GALNT13: variants seen among roughly 807,000 people sequenced by gnomAD.
GALNT13 encodes UDP-GalNAc:polypeptide N-acetylgalactosaminyltransferase 13.
GALNT13 carries 28 observed loss-of-function variants against 64.2 expected under a neutral mutation model. The ratio of observed to expected loss-of-function variants is 0.44; its 90% CI spans 0.32 to 0.60. The LOEUF is 0.60. GALNT13 is among the 20% of genes least tolerant of loss of function. The pLI, the probability that GALNT13 is intolerant of heterozygous loss-of-function variation, is 0.05. For missense variants in GALNT13, 577 were observed against 669.8 expected, an observed-to-expected ratio of 0.86 and a Z score of 1.53; for synonymous variants, 214 against 224.6, an observed-to-expected ratio of 0.95 and a Z score of 0.42.
intron 8 of GALNT13, among the ~76,000 whole-genome samples, chr2:154,273,409 A>C (rs1326559198): frequency 6.6e-6 from 1 of 152,174 alleles, no homozygotes; most frequent in African/African-American, 2.4e-5. Flanking sequence ...CTATAGGATC[A>C]CAAATAGCCT....
chr2:153,293,002 T>C, the GALNT13 span, among the ~76,000 whole-genome samples: 12,483 of 152,068 alleles, frequency 0.082, 579 homozygotes, highest in South Asian at 0.12. Context: ...TTTGTTAAGG[T>C]TTTTTTCCCT....
At chr2:154,009,741 C>T (rs13419713) in intron 3 of GALNT13, among the ~76,000 whole-genome samples, 9,297 of 152,096 alleles carry the variant, frequency 0.061, 590 homozygotes, top group African/African-American at 0.16. Context: ...CCACCCGCCT[C>T]GGCCTCCCAA....
At chr2:154,061,081 T>TA (rs1471609621) in intron 3 of GALNT13, among the ~76,000 whole-genome samples, 1 of 152,036 alleles carries the variant, frequency 6.6e-6, no homozygotes, top group African/African-American at 2.4e-5. Context: ...TGTTCAAACT[T>TA]ACAAAAAAGT....
chr2:153,229,023 A>G, the GALNT13 span, among the ~76,000 whole-genome samples: 2 of 152,196 alleles, frequency 1.3e-5, no homozygotes, highest in African/African-American at 2.4e-5. Flanking sequence ...TAAGATAGCT[A>G]GAGTATCAAC....
the GALNT13 span, among the ~76,000 whole-genome samples, chr2:153,716,281 AG>A: frequency 1.3e-5 from 2 of 152,364 alleles, no homozygotes; most frequent in South Asian, 4.1e-4. Context: ...CACGTGGCCC[AG>A]GATGGCTTTG....
the GALNT13 span, among the ~76,000 whole-genome samples, chr2:153,819,000 G>C: frequency 6.6e-6 from 1 of 152,122 alleles, no homozygotes; most frequent in Non-Finnish European, 1.5e-5. Context: ...AGCTCCTTCA[G>C]GACACATACA....
At chr2:154,174,039 G>A (rs760479386) in intron 4 of GALNT13, among the ~76,000 whole-genome samples, 1 of 152,004 alleles carries the variant, frequency 6.6e-6, no homozygotes, top group Non-Finnish European at 1.5e-5. Flanking sequence ...TTTCTGCTGG[G>A]TATATATCCA....
At chr2:153,737,728 C>A in the GALNT13 span, among the ~76,000 whole-genome samples, 1 of 152,002 alleles carries the variant, frequency 6.6e-6, no homozygotes, top group Non-Finnish European at 1.5e-5. Context: ...TGTTTAAGAG[C>A]AGAAAACAGG....
the GALNT13 span, among the ~76,000 whole-genome samples, chr2:153,629,688 A>G: frequency 2.0e-5 from 3 of 151,976 alleles, no homozygotes; most frequent in African/African-American, 7.3e-5. Context: ...AGCAAAAGAA[A>G]CTACCATCAG....
At chr2:153,287,842 G>C in the GALNT13 span, among the ~76,000 whole-genome samples, 17 of 152,224 alleles carry the variant, frequency 1.1e-4, no homozygotes, top group East Asian at 3.1e-3. Context: ...GCAACATTTG[G>C]GTGTGAAAAC....
intron 10 of GALNT13, among the ~76,000 whole-genome samples, chr2:154,404,336 A>G (rs1228293930): frequency 6.6e-6 from 1 of 152,188 alleles, no homozygotes; most frequent in Non-Finnish European, 1.5e-5. Context: ...GAATCTCTGA[A>G]TTTTCCCATT....
chr2:153,987,076 G>A (rs1055916427), intron 3 of GALNT13, among the ~76,000 whole-genome samples: 6 of 151,834 alleles, frequency 4.0e-5, no homozygotes, highest in Non-Finnish European at 8.8e-5. Flanking sequence ...AGGAGCAAGG[G>A]ATTCGAATGC....
At chr2:153,630,654 TAAAATTAAAAAAAATTAA>T in the GALNT13 span, among the ~76,000 whole-genome samples, 1 of 140,854 alleles carries the variant, frequency 7.1e-6, no homozygotes, top group Non-Finnish European at 1.6e-5. Context: ...ATAATTATAA[TAAAATTAAAAAAAATTAA>T]AAAATTAAAA....
the GALNT13 span, among the ~76,000 whole-genome samples, chr2:153,487,261 T>C: frequency 2.0e-4 from 30 of 152,346 alleles, no homozygotes; most frequent in East Asian, 4.8e-3. Flanking sequence ...TCTGTGTGTA[T>C]ACACTGCTCA....
At chr2:153,074,076 A>G in the GALNT13 span, among the ~76,000 whole-genome samples, 31 of 152,160 alleles carry the variant, frequency 2.0e-4, no homozygotes, top group Admixed American at 1.2e-3. Flanking sequence ...AGGTACTTCT[A>G]GGAATTTCTG....
the GALNT13 span, among the ~76,000 whole-genome samples, chr2:153,483,504 C>T: frequency 6.7e-6 from 1 of 150,374 alleles, no homozygotes; most frequent in Non-Finnish European, 1.5e-5. Context: ...GCAACCTCTG[C>T]CTCCAGGGTT....
chr2:153,998,191 TG>T (rs2105211574), intron 3 of GALNT13, among the ~76,000 whole-genome samples: 1 of 152,286 alleles, frequency 6.6e-6, no homozygotes, highest in South Asian at 2.1e-4. Flanking sequence ...ATGGTATTTT[TG>T]GTTCCAGATC....
the GALNT13 span, among the ~76,000 whole-genome samples, chr2:153,766,606 A>C: frequency 6.6e-6 from 1 of 152,118 alleles, no homozygotes; most frequent in African/African-American, 2.4e-5. Flanking sequence ...CTTCTAACTT[A>C]CTAATTCTTT....
At chr2:153,191,672 G>A in the GALNT13 span, among the ~76,000 whole-genome samples, 342 of 150,160 alleles carry the variant, frequency 2.3e-3, 1 homozygote, top group Admixed American at 2.4e-3. Context: ...GTAGAAGTTG[G>A]CTGTGAAGCT....
Sources: allele counts gnomAD v4.1 joint callset (sites outside exome capture counted in the v4.1 genomes callset), GRCh38; gene constraint gnomAD v4.1.1; transcripts MANE v1.5; gene names NCBI Gene and HGNC (gene_info 2026-07-23, HGNC 2026-07-21).